The following UNC13C variants were observed in gnomAD, a reference collection of about 807,000 sequenced individuals.
UNC13C encodes protein unc-13 homolog C.
In UNC13C, 174 loss-of-function variants were observed where a neutral mutation model predicts 245.4. The ratio of observed to expected loss-of-function variants is 0.71; its 90% CI spans 0.63 to 0.80. The LOEUF is 0.80. UNC13C is among the 30% of genes least tolerant of loss of function. The pLI is 0.00. For synonymous variants in UNC13C, 992 were observed against 895.1 expected (o/e 1.11, Z -1.93); for missense variants, 2,829 against 2,602.9 (o/e 1.09, Z -1.89).
At chr15:54,186,054 T>C (rs2033971274) in intron 4 of UNC13C, among the ~76,000 whole-genome samples, 1 of 151,734 alleles carries the variant, frequency 6.6e-6, no homozygotes, top group Admixed American at 6.6e-5. Flanking sequence ...AGTTCACTCA[T>C]GATTTGGCTC....
At chr15:54,273,142 A>C (rs12437533) in intron 10 of UNC13C, among the ~76,000 whole-genome samples, 4,839 of 152,204 alleles carry the variant, frequency 0.032, 107 homozygotes, top group East Asian at 0.075. Context: ...CAATTAAACT[A>C]GTACATGGAA....
intron 17 of UNC13C, among the ~76,000 whole-genome samples, chr15:54,343,014 A>G (rs918462944): frequency 6.6e-6 from 1 of 151,968 alleles, no homozygotes; most frequent in Non-Finnish European, 1.5e-5. Context: ...TCTAATCTCT[A>G]CTTTCCATCT....
intron 4 of UNC13C, among the ~76,000 whole-genome samples, chr15:54,152,247 A>G (rs887574775): frequency 6.6e-6 from 1 of 152,162 alleles, no homozygotes; most frequent in Non-Finnish European, 1.5e-5. Flanking sequence ...GGCTTTGAGT[A>G]TCACAGGAGT....
At chr15:54,122,355 T>C (rs1166299502) in intron 2 of UNC13C, among the ~76,000 whole-genome samples, 1 of 152,080 alleles carries the variant, frequency 6.6e-6, no homozygotes. Context: ...TTTTTGGTAG[T>C]TGTGAATAAA....
chr15:54,340,321 G>A (rs1304318625), intron 17 of UNC13C, among the ~76,000 whole-genome samples: 5 of 152,034 alleles, frequency 3.3e-5, no homozygotes, highest in African/African-American at 4.8e-5. Context: ...TGTTTTTGTT[G>A]CATTTGCTTT....
intron 19 of UNC13C, among the ~76,000 whole-genome samples, chr15:54,472,584 C>T (rs941024169): frequency 3.3e-5 from 5 of 151,806 alleles, no homozygotes; most frequent in Non-Finnish European, 7.4e-5. Context: ...AAACTAGACC[C>T]GCCATTCTCT....
intron 2 of UNC13C, among the ~76,000 whole-genome samples, chr15:54,117,375 C>A (rs1451726934): frequency 6.6e-6 from 1 of 151,956 alleles, no homozygotes; most frequent in African/African-American, 2.4e-5. Context: ...AAGTGTTTTT[C>A]CAATATTATC....
intron 4 of UNC13C, among the ~76,000 whole-genome samples, chr15:54,168,369 G>T (rs1187702045): frequency 6.6e-6 from 1 of 152,104 alleles, no homozygotes; most frequent in Non-Finnish European, 1.5e-5. Flanking sequence ...ATATAGTTAT[G>T]CAATGTGTAA....
Position 54,546,604 on chromosome 15 carries a change from T to G in UNC13C, c.5697-118T>G, listed in dbSNP as rs546877340. On this transcript the variant is annotated intron_variant, in intron 26 of 32. Coordinates refer to ENST00000260323, the MANE Select transcript of UNC13C (RefSeq NM_001080534.3). ...GAATCATGAAATAGTTTTTTGAGAT[T>G]ATACATTTTGTATAATAATTTAGTA... 2.4e-5 allele frequency: 13 copies of G among 538,580 alleles called. No individual in the cohort carries two copies. In the South Asian group the frequency reaches 6.3e-4, roughly 26 times the overall value. 33.4% of individuals were successfully genotyped at this position (538,580 alleles called of 1,614,324 possible). A position where few individuals can be genotyped will look rare whatever the true frequency, so the allele number is the denominator to read the frequency against.
chr15:54,273,051 G>C (rs930385396), intron 10 of UNC13C, among the ~76,000 whole-genome samples: 3 of 152,122 alleles, frequency 2.0e-5, no homozygotes, highest in Admixed American at 6.5e-5. Context: ...GGAGCAGTTG[G>C]GGGTACAAAC....
chr15:54,349,698 G>A lies in UNC13C; in HGVS notation c.4713+11209G>A, dbSNP rs1443586565. Among the ~76,000 whole-genome samples the A allele has an allele frequency of 3.9e-5, 6 of 152,254 alleles. No homozygotes were observed. In the South Asian group the frequency reaches 1.0e-3, roughly 26 times the overall value. ...TGCACTTTCAGTTGGCAAGTAAGCC[G>A]GGAGCCAGTAATCTAACTCTGGGTA... On this transcript the variant is annotated intron_variant, in intron 17 of 32. Transcript: ENST00000260323.
chr15:54,319,856 C>A (rs1173222949), intron 13 of UNC13C, among the ~76,000 whole-genome samples: 1 of 151,918 alleles, frequency 6.6e-6, no homozygotes, highest in South Asian at 2.1e-4. Context: ...ATTTTCAAGT[C>A]TTTTGTTGTA....
At chr15:54,389,141 T>G (rs2039900136) in intron 17 of UNC13C, among the ~76,000 whole-genome samples, 1 of 152,220 alleles carries the variant, frequency 6.6e-6, no homozygotes, top group Non-Finnish European at 1.5e-5. Context: ...AGTCTTTTAT[T>G]TCCCAAAGTA....
intron 30 of UNC13C, among the ~76,000 whole-genome samples, chr15:54,604,658 T>C (rs1899660279): frequency 6.6e-6 from 1 of 152,210 alleles, no homozygotes; most frequent in Non-Finnish European, 1.5e-5. Context: ...GCAATTCCTC[T>C]AAGACCTCTT....
At chr15:53,868,049 G>A in the UNC13C span, among the ~76,000 whole-genome samples, 1 of 152,092 alleles carries the variant, frequency 6.6e-6, no homozygotes, top group African/African-American at 2.4e-5. Flanking sequence ...TGCCCAGACT[G>A]GTCTTGAATT....
intron 2 of UNC13C, among the ~76,000 whole-genome samples, chr15:54,132,074 C>CTTTTTTTTTCTTTTTCTTTTTCTT (rs6145565): frequency 4.5e-5 from 5 of 110,668 alleles, no homozygotes; most frequent in African/African-American, 1.6e-4. Flanking sequence ...TTTTCTTTTT[C>CTTTTTTTTTCTTTTTCTTTTTCTT]TTTTTTTTTT....
intron 13 of UNC13C, among the ~76,000 whole-genome samples, chr15:54,316,584 A>AT (rs2038014971): frequency 6.6e-6 from 1 of 151,864 alleles, no homozygotes; most frequent in Non-Finnish European, 1.5e-5. Flanking sequence ...TACATGACCG[A>AT]TTCCCCCAGC....
intron 8 of UNC13C, among the ~76,000 whole-genome samples, chr15:54,260,612 T>C (rs375321395): frequency 2.0e-4 from 29 of 148,700 alleles, no homozygotes; most frequent in East Asian, 1.6e-3. Context: ...TGTGTATGTA[T>C]ATGTATATAC....
At chr15:54,614,338 T>C (rs1044823663) in intron 30 of UNC13C, among the ~76,000 whole-genome samples, 3 of 152,110 alleles carry the variant, frequency 2.0e-5, no homozygotes, top group Admixed American at 6.6e-5. Context: ...ATCTCTGAGC[T>C]GGCACAAAGC....
Sources: gnomAD v4.1 joint callset for allele counts (sites outside exome capture counted in the v4.1 genomes callset) on GRCh38, gnomAD v4.1.1 for gene constraint, MANE v1.5 for transcripts, NCBI Gene and HGNC (gene_info 2026-07-23, HGNC 2026-07-21) for gene names.